Variants in DCUN1D4 observed in about 807,000 individuals in gnomAD.
DCUN1D4 encodes defective in cullin neddylation 1 domain containing 4.
DCUN1D4 carries 22 observed loss-of-function variants against 47.9 expected under a neutral mutation model. The ratio of observed to expected loss-of-function variants is 0.46; its 90% confidence interval spans 0.33 to 0.66. The LOEUF (loss-of-function observed/expected upper bound fraction) is 0.66. Among genes scored for constraint, DCUN1D4 ranks in the 30% least tolerant of loss-of-function variants. DCUN1D4 has a pLI of 0.02. For missense variants in DCUN1D4, 301 were observed against 340.8 expected, an observed-to-expected ratio of 0.88 and a Z score of 0.92; for synonymous variants, 121 against 112.2, an observed-to-expected ratio of 1.08 and a Z score of -0.50.
intron 7 of DCUN1D4, among the ~76,000 whole-genome samples, chr4:51,897,831 CA>C (rs1425992487): frequency 6.6e-6 from 1 of 152,132 alleles, no homozygotes; most frequent in East Asian, 1.9e-4. Context: ...TTTCTACAAT[CA>C]AAAAGAGTAA....
chr4:51,877,265 G>A lies in DCUN1D4; in HGVS notation c.252-498G>A, dbSNP rs553544622. Among the ~76,000 whole-genome samples, 4 of 152,114 alleles carry A rather than the reference G, an allele frequency of 2.6e-5. No homozygotes were observed. The South Asian group carries it at 8.3e-4, about 32-fold the overall frequency. The stretch of plus-strand genomic sequence containing the variant: ...TTACATCAAAGTTTATTTTTTTCCC[G>A]GAAGCTTGGACATGATTTGATGTTT... On this transcript the variant is annotated intron_variant, in intron 4 of 10. Coordinates refer to ENST00000334635, the MANE Select transcript of DCUN1D4 (RefSeq NM_001040402.3).
At chr4:51,903,013 A>G (rs1395200984) in intron 8 of DCUN1D4, among the ~76,000 whole-genome samples, 1 of 152,036 alleles carries the variant, frequency 6.6e-6, no homozygotes, top group Non-Finnish European at 1.5e-5. Context: ...TGTTTTTGTC[A>G]TTTATTTTAT....
At chr4:51,898,499 A>G (rs147320636) in intron 7 of DCUN1D4, among the ~76,000 whole-genome samples, 51 of 152,346 alleles carry the variant, frequency 3.3e-4, no homozygotes, top group African/African-American at 1.1e-3. Flanking sequence ...TGGGGACTGG[A>G]CATTTATAGT....
chr4:51,853,473 G>A (rs192293988), intron 1 of DCUN1D4, among the ~76,000 whole-genome samples: 14 of 152,248 alleles, frequency 9.2e-5, no homozygotes, highest in African/African-American at 2.6e-4. Flanking sequence ...CTGGACCTTG[G>A]CCTTTTCATC....
intron 1 of DCUN1D4, among the ~76,000 whole-genome samples, chr4:51,857,877 T>C (rs1277284641): frequency 1.3e-5 from 2 of 152,200 alleles, no homozygotes; most frequent in Non-Finnish European, 2.9e-5. Flanking sequence ...ATTTGTTGAA[T>C]ATTTATTGAG....
intron 8 of DCUN1D4, among the ~76,000 whole-genome samples, chr4:51,902,402 A>T (rs1195268074): frequency 2.0e-5 from 3 of 152,146 alleles, no homozygotes; most frequent in African/African-American, 4.8e-5. Flanking sequence ...CACCTCTGTC[A>T]CTTTTTTGCT....
At chr4:51,862,789 A>G (rs1033639462) in intron 1 of DCUN1D4, among the ~76,000 whole-genome samples, 1 of 152,100 alleles carries the variant, frequency 6.6e-6, no homozygotes, top group South Asian at 2.1e-4. Context: ...CAGGAGGATC[A>G]CTTGAACCCA....
chr4:51,863,598 T>C (rs1725425453), intron 2 of DCUN1D4, 72 bp from the exon 3 acceptor site: 4 of 1,580,906 alleles, frequency 2.5e-6, no homozygotes, highest in Non-Finnish European at 3.5e-6. Context: ...TTCTAGATAT[T>C]AGGATATCAG....
upstream of DCUN1D4, among the ~76,000 whole-genome samples, chr4:51,841,671 G>A (rs1721662217): frequency 6.6e-6 from 1 of 152,076 alleles, no homozygotes; most frequent in Admixed American, 6.5e-5. Flanking sequence ...AGAAATTAGC[G>A]ATTAAGATGG....
chr4:51,903,617 T>C (rs1732440510), intron 8 of DCUN1D4, among the ~76,000 whole-genome samples: 1 of 152,208 alleles, frequency 6.6e-6, no homozygotes, highest in Non-Finnish European at 1.5e-5. Context: ...GCGACTACAG[T>C]TACAACTATG....
At chr4:51,888,463 T>C (rs1391853396) in intron 6 of DCUN1D4, among the ~76,000 whole-genome samples, 2 of 152,154 alleles carry the variant, frequency 1.3e-5, no homozygotes, top group Admixed American at 1.3e-4. Flanking sequence ...ATTTCTGGCC[T>C]GGCATGATGG....
the DCUN1D4 span, among the ~76,000 whole-genome samples, chr4:51,834,087 T>TC: frequency 2.4e-5 from 3 of 123,692 alleles, no homozygotes; most frequent in Admixed American, 7.9e-5. Flanking sequence ...TCTCTCTCTC[T>TC]TTTCTTTTCT....
At chr4:51,843,982 T>G in intron 1 of DCUN1D4, among the ~76,000 whole-genome samples, 1 of 145,818 alleles carries the variant, frequency 6.9e-6, no homozygotes, top group Non-Finnish European at 1.5e-5. Flanking sequence ...GGGCGGTGGG[T>G]AACGGAGAGT....
At chr4:51,903,466 C>T (rs900070839) in intron 8 of DCUN1D4, among the ~76,000 whole-genome samples, 2 of 151,988 alleles carry the variant, frequency 1.3e-5, no homozygotes, top group African/African-American at 4.8e-5. Context: ...ATAATATTCC[C>T]TGGAATAATT....
At chr4:51,892,500 A>G (rs1730581528) in intron 7 of DCUN1D4, among the ~76,000 whole-genome samples, 1 of 152,250 alleles carries the variant, frequency 6.6e-6, no homozygotes, top group Non-Finnish European at 1.5e-5. Context: ...TATAACTTGT[A>G]AGTTAAAATA....
intron 5 of DCUN1D4, chr4:51,884,812 C>T (rs530109142): frequency 1.3e-5 from 2 of 152,094 alleles, no homozygotes; most frequent in South Asian, 4.2e-4. Flanking sequence ...CCTTTGCTCT[C>T]AGTCTTAAAG....
At chr4:51,865,004 T>C (rs915425476) in intron 3 of DCUN1D4, 1 of 182,112 alleles carries the variant, frequency 5.5e-6, no homozygotes, top group Non-Finnish European at 1.2e-5. Context: ...CAAAAACTCT[T>C]TAAGAAAAAG....
intron 8 of DCUN1D4, among the ~76,000 whole-genome samples, chr4:51,901,491 G>A (rs892036030): frequency 3.3e-5 from 5 of 152,166 alleles, no homozygotes; most frequent in African/African-American, 1.2e-4. Flanking sequence ...TTGCTCACTG[G>A]CCCTGCTTCC....
chr4:51,867,222 C>T (rs1433951036), intron 3 of DCUN1D4, among the ~76,000 whole-genome samples: 1 of 152,166 alleles, frequency 6.6e-6, no homozygotes, highest in African/African-American at 2.4e-5. Flanking sequence ...AGGTGGCGCC[C>T]GGAAGCTTGG....
Sources: gnomAD v4.1 joint callset for allele counts (sites outside exome capture counted in the v4.1 genomes callset) on GRCh38, gnomAD v4.1.1 for gene constraint, MANE v1.5 for transcripts, NCBI Gene and HGNC (gene_info 2026-07-23, HGNC 2026-07-21) for gene names.